Variants in ASMT observed in about 807,000 individuals in gnomAD.
The protein encoded by ASMT is acetylserotonin O-methyltransferase.
ASMT carries 53 observed loss-of-function variants against 41.3 expected under a neutral mutation model. The ratio of observed to expected loss-of-function variants is 1.28; its 90% CI spans 1.03 to 1.61. The LOEUF is 1.61. Among genes scored for constraint, ASMT ranks in the 40% most tolerant of loss-of-function variants. The pLI is 0.00. For missense variants in ASMT, 531 were observed against 441.3 expected (o/e 1.20, Z -1.82); for synonymous variants, 231 against 184.8 (o/e 1.25, Z -2.03).
chrX:1,615,195 A>ATCCCTC lies in ASMT; in HGVS notation c.-5_-4insTCCCTC. The ATCCCTC allele has an allele frequency of 6.3e-7, 1 of 1,589,716 alleles. No individual in the cohort carries two copies. Among genetic ancestry groups the ATCCCTC allele is most frequent in the Non-Finnish European group, 8.6e-7 (1 of 1,168,330 alleles). Reference sequence around the variant, plus strand: ...TCCGGAAGCCACGGCTGGATTGGAGACAAGATGGGATCCTCAGAGGACCAG... The same window carrying ATCCCTC: ...TCCGGAAGCCACGGCTGGATTGGAGATCCCTCCAAGATGGGATCCTCAGAGGACCAG... On this transcript the variant is annotated 5_prime_UTR_variant, in exon 1 of 9. Coordinates refer to ENST00000381241, the MANE Select transcript of ASMT (RefSeq NM_001171038.2).
At chrX:1,631,961 A>G (rs1387332990) in intron 5 of ASMT, among the ~76,000 whole-genome samples, 3 of 152,176 alleles carry the variant, frequency 2.0e-5, no homozygotes, top group Non-Finnish European at 2.9e-5. Context: ...AGGCAGGAGA[A>G]TCGCTTGTAC....
At chrX:1,626,322 C>T (rs2149465103) in intron 3 of ASMT, among the ~76,000 whole-genome samples, 1 of 151,062 alleles carries the variant, frequency 6.6e-6, no homozygotes, top group Admixed American at 6.6e-5. Flanking sequence ...GCAACCTCCG[C>T]CTCCTGGGTT....
At position 1,633,143 on chromosome X, in the gene ASMT, C is replaced by T. The variant is rs372916714; in HGVS notation, c.647-7C>T. 62 of 1,613,926 alleles carry T rather than the reference C, an allele frequency of 3.8e-5. No homozygotes were observed. The highest frequency in any genetic ancestry group is 1.7e-4 in the Middle Eastern group (1 of 6,056). On this transcript the variant is annotated splice_polypyrimidine_tract_variant and splice_region_variant and intron_variant, in intron 6 of 8. Coordinates refer to ENST00000381241, the MANE Select transcript of ASMT (RefSeq NM_001171038.2). Reference sequence around the variant, plus strand: ...CTGAGGGTCAAACGGGCTGTGTCCCCTTCCAGGTGGGGCTGGAGCTCTGGC... The same window carrying T: ...CTGAGGGTCAAACGGGCTGTGTCCCTTTCCAGGTGGGGCTGGAGCTCTGGC...
At chrX:1,621,303 A>G (rs1362358725) in intron 1 of ASMT, among the ~76,000 whole-genome samples, 3 of 151,978 alleles carry the variant, frequency 2.0e-5, no homozygotes, top group Admixed American at 6.6e-5. Context: ...AAAGAAATGC[A>G]TGGATGATTT....
intron 1 of ASMT, among the ~76,000 whole-genome samples, chrX:1,618,069 AC>A (rs1657214846): frequency 6.7e-6 from 1 of 149,210 alleles, no homozygotes; most frequent in African/African-American, 2.5e-5. Flanking sequence ...GCCTCCGCCT[AC>A]GGGGTTCAAG....
intron 7 of ASMT, 162 bp from the exon 8 acceptor site, chrX:1,636,276 C>A: frequency 9.3e-7 from 1 of 1,073,946 alleles, no homozygotes; most frequent in Non-Finnish European, 1.5e-6. Context: ...TCTTATCTTT[C>A]TCCTAAGCCT....
At chrX:1,617,523 G>A (rs1364632723) in intron 1 of ASMT, among the ~76,000 whole-genome samples, 4 of 152,002 alleles carry the variant, frequency 2.6e-5, no homozygotes, top group East Asian at 1.9e-4. Context: ...GTGTGCTGAC[G>A]ATATTTTGAG....
chrX:1,636,663 G>A (rs1445374942), intron 8 of ASMT, 103 bp downstream of exon 8: 2 of 1,571,008 alleles, frequency 1.3e-6, no homozygotes, highest in African/African-American at 2.7e-5. Context: ...ACAGGTAAGG[G>A]TAGACATCCT....
intron 4 of ASMT, among the ~76,000 whole-genome samples, chrX:1,629,468 C>T (rs1934687791): frequency 6.6e-6 from 1 of 152,160 alleles, no homozygotes; most frequent in Non-Finnish European, 1.5e-5. Flanking sequence ...TGTGGACCTC[C>T]CACCCGCTTC....
intron 4 of ASMT, among the ~76,000 whole-genome samples, chrX:1,628,930 CTT>C (rs1467404585): frequency 2.6e-4 from 31 of 120,020 alleles, no homozygotes; most frequent in African/African-American, 1.0e-4. Context: ...TTCTCTCTTT[CTT>C]TCTCTCTCTC....
chrX:1,634,534 C>A (rs73620121), intron 7 of ASMT, among the ~76,000 whole-genome samples: 1 of 152,106 alleles, frequency 6.6e-6, no homozygotes, highest in African/African-American at 2.4e-5. Flanking sequence ...GCCCAGAGAC[C>A]CAGCTGAACA....
intron 1 of ASMT, among the ~76,000 whole-genome samples, chrX:1,620,746 T>A (rs1305494309): frequency 1.3e-5 from 2 of 151,902 alleles, no homozygotes; most frequent in Admixed American, 1.3e-4. Flanking sequence ...AAAATTAGCC[T>A]GGCATGGTGG....
rs180950600 is a variant in ASMT, at chrX:1,630,226, T to C, written c.562+287T>C. ...TCGGCTCACTGCAACCTTTGCCTCC[T>C]GGGTTCAAGCGATTCTCCTGCCTCA... On this transcript the variant is annotated intron_variant, in intron 5 of 8. Coordinates refer to ENST00000381241, the MANE Select transcript of ASMT (RefSeq NM_001171038.2). Among the ~76,000 whole-genome samples, 1,340 of 151,130 alleles carry C rather than the reference T, an allele frequency of 8.9e-3. 25 individuals carry two copies. Among genetic ancestry groups the C allele is most frequent in the African/African-American group, 0.031 (1,282 of 41,124 alleles).
chrX:1,622,386 G>A (rs1456895774), intron 1 of ASMT, among the ~76,000 whole-genome samples: 1 of 150,860 alleles, frequency 6.6e-6, no homozygotes, highest in Non-Finnish European at 1.5e-5. Flanking sequence ...CGCTTAGCAG[G>A]TTCAAGCGAT....
chrX:1,637,000 G>A (rs867335809), intron 8 of ASMT, among the ~76,000 whole-genome samples: 956 of 67,510 alleles, frequency 0.014, 53 homozygotes, highest in Admixed American at 0.022. Flanking sequence ...GCCTCTGTGT[G>A]TGATGGGGAC....
intron 4 of ASMT, among the ~76,000 whole-genome samples, chrX:1,628,684 T>C (rs1934651121): frequency 6.7e-6 from 1 of 149,798 alleles, no homozygotes; most frequent in African/African-American, 2.5e-5. Context: ...CCTTCTCTTC[T>C]CTTCTCTCCT....
rs1934614946 is a variant in ASMT at position 1,627,845 on chromosome X, T to C, written c.443+74T>C. On this transcript the variant is annotated intron_variant, in intron 4 of 8. Transcript: ENST00000381241. ...TTTTTAAAGGACTTAGGAAACCCAA[T>C]CCATTTACTCAAATGGCACAACCCA... is the stretch of plus-strand genomic sequence containing the variant. The C allele has an allele frequency of 3.6e-6, 5 of 1,407,428 alleles. No homozygotes were observed. In the East Asian group the frequency reaches 1.1e-4, roughly 32 times the overall value. 87.2% of individuals were successfully genotyped at this position (1,407,428 alleles called of 1,614,324 possible). A position where few individuals can be genotyped will look rare whatever the true frequency, so the allele number is the denominator to read the frequency against.
intron 1 of ASMT, among the ~76,000 whole-genome samples, chrX:1,622,706 G>A (rs1387528826): frequency 1.3e-5 from 2 of 151,232 alleles, no homozygotes; most frequent in Non-Finnish European, 1.5e-5. Flanking sequence ...GAGGTCAGAA[G>A]TTCGAGACCA....
intron 8 of ASMT, among the ~76,000 whole-genome samples, chrX:1,636,922 ATG>A (rs1569384196): frequency 1.5e-3 from 175 of 117,526 alleles, no homozygotes; most frequent in Middle Eastern, 3.8e-3. Flanking sequence ...TCTGTGTGTG[ATG>A]GGGACAGTGT....
Sources: gnomAD v4.1 joint callset for allele counts (sites outside exome capture counted in the v4.1 genomes callset) on GRCh38, gnomAD v4.1.1 for gene constraint, MANE v1.5 for transcripts, NCBI Gene and HGNC (gene_info 2026-07-23, HGNC 2026-07-21) for gene names.